The following FTCD variants were observed in gnomAD, a reference collection of about 807,000 sequenced individuals.
FTCD encodes the protein formimidoyltransferase-cyclodeaminase.
Under a neutral mutation model 62.9 loss-of-function variants are expected in FTCD, and 76 were observed. The ratio of observed to expected loss-of-function variants is 1.21; its 90% confidence interval spans 1.00 to 1.46. FTCD has a LOEUF of 1.46. FTCD is among the 40% of genes most tolerant of loss of function. FTCD has a pLI of 0.00. For missense variants in FTCD, 845 were observed against 751.3 expected (o/e 1.12, Z -1.46); for synonymous variants, 397 against 336.9 (o/e 1.18, Z -1.95).
At chr21:46,137,538 G>A (rs1298387571) in intron 12 of FTCD, among the ~76,000 whole-genome samples, 6 of 152,186 alleles carry the variant, frequency 3.9e-5, no homozygotes, top group African/African-American at 1.4e-4. Flanking sequence ...TCCAAGCAGG[G>A]CTCAGCCCCA....
At chr21:46,137,491 C>T (rs2078897414) in intron 12 of FTCD, among the ~76,000 whole-genome samples, 157 bp from the exon 13 acceptor site, 1 of 152,200 alleles carries the variant, frequency 6.6e-6, no homozygotes, top group Non-Finnish European at 1.5e-5. Flanking sequence ...GAGGGCTAAG[C>T]CCCACCACTG....
intron 5 of FTCD, among the ~76,000 whole-genome samples, chr21:46,150,746 C>G (rs925599574): frequency 6.6e-6 from 1 of 151,240 alleles, no homozygotes; most frequent in Non-Finnish European, 1.5e-5. Flanking sequence ...ACACCGGAGG[C>G]CCACCCCGGC....
At chr21:46,138,969 G>T in intron 10 of FTCD, 46 bp from the exon 11 acceptor site, 1 of 1,466,902 alleles carries the variant, frequency 6.8e-7, no homozygotes, top group Non-Finnish European at 9.6e-7. Flanking sequence ...CGTAGGGGGA[G>T]CAGCCATGCC....
At chr21:46,138,677 A>AGCGGCACACACAGGCAGGCAGTG in intron 11 of FTCD, 31 bp from the exon 12 acceptor site, 1 of 1,591,336 alleles carries the variant, frequency 6.3e-7, no homozygotes, top group Non-Finnish European at 8.5e-7. Context: ...GCCTGAGCAC[A>AGCGGCACACACAGGCAGGCAGTG]GCGGCACACA....
At chr21:46,147,426 G>A (rs765563706) in intron 7 of FTCD, among the ~76,000 whole-genome samples, 3 of 152,210 alleles carry the variant, frequency 2.0e-5, no homozygotes, top group Non-Finnish European at 4.4e-5. Context: ...GGTCCTGTGA[G>A]GCAGTGTCCA....
At chr21:46,141,142 A>C (rs1288761524) in intron 10 of FTCD, among the ~76,000 whole-genome samples, 1 of 152,098 alleles carries the variant, frequency 6.6e-6, no homozygotes, top group Non-Finnish European at 1.5e-5. Flanking sequence ...TTTTATATAC[A>C]TATGTTTACA....
chr21:46,152,458 C>T (rs755672268), intron 3 of FTCD: 14 of 199,134 alleles, frequency 7.0e-5, no homozygotes, highest in Non-Finnish European at 8.2e-5. Context: ...GTGACCGTGA[C>T]GGGGGTTACG....
chr21:46,146,426 GC>G, intron 7 of FTCD, 99 bp from the exon 8 acceptor site: 1 of 822,952 alleles, frequency 1.2e-6, no homozygotes, highest in South Asian at 1.4e-5. Flanking sequence ...GCCGCCCCCT[GC>G]CCCGAGCACA....
At position 46,145,803 on chromosome 21, in the gene FTCD, T is replaced by G; in HGVS notation, c.1098+15A>C. On this transcript the variant is annotated intron_variant, in intron 9 of 13. Transcript: ENST00000397746. ...CCAACAACTGCGCCTCCCCTGCCCC[T>G]CCCCCCGCGCTCACCATGGCCGCAG... is the stretch of plus-strand genomic sequence containing the variant. 4.2e-6 allele frequency: 1 copy of G among 238,166 alleles called. No individual in the cohort carries two copies. Among genetic ancestry groups the G allele is most frequent in the Non-Finnish European group, 6.2e-6 (1 of 161,368 alleles). 14.8% of individuals were successfully genotyped at this position (238,166 alleles called of 1,614,324 possible).
rs1050694943 is a variant in FTCD, at chr21:46,145,494, T to A, written c.1183A>T (p.Ile395Phe). The change falls in exon 10 of 14, where the codon ATC (isoleucine) becomes TTC (phenylalanine). Residue 395 changes from isoleucine to phenylalanine, a missense_variant. Coordinates refer to ENST00000397746, the MANE Select transcript of FTCD (RefSeq NM_206965.2). ...QSLDTTMRRL[I>F]PPFREASAKL... ...GCCGAAGCCTCGCGGAAGGGCGGGATCAGGCGCCGCATCGTCGTGTCCAGG... is the reference window on the plus strand; with the variant it reads ...GCCGAAGCCTCGCGGAAGGGCGGGAACAGGCGCCGCATCGTCGTGTCCAGG... 6 of 1,554,940 alleles carry A rather than the reference T, an allele frequency of 3.9e-6. No homozygotes were observed. Among genetic ancestry groups the A allele is most frequent in the Non-Finnish European group, 5.2e-6 (6 of 1,149,976 alleles).
At chr21:46,141,671 A>G (rs991512722) in intron 10 of FTCD, among the ~76,000 whole-genome samples, 1 of 152,126 alleles carries the variant, frequency 6.6e-6, no homozygotes, top group African/African-American at 2.4e-5. Context: ...AAGACGAACA[A>G]CAAACGGGGA....
chr21:46,140,868 CTGCCTTCACATTGCTCACAGGGAG>C (rs2078987730), intron 10 of FTCD, among the ~76,000 whole-genome samples: 2 of 149,018 alleles, frequency 1.3e-5, no homozygotes, highest in African/African-American at 5.1e-5. Flanking sequence ...CACTCCCCGT[CTGCCTTCACATTGCTCACAGGGAG>C]CGTAAACCAA....
At chr21:46,145,990 G>C (rs887568018) in intron 8 of FTCD, 43 bp from the exon 9 acceptor site, 406 of 1,245,496 alleles carry the variant, frequency 3.3e-4, no homozygotes, top group African/African-American at 9.2e-4. Context: ...CGGGGTTGGT[G>C]GGGGGAGCGC....
chr21:46,145,036 T>A (rs1256474259), intron 10 of FTCD, among the ~76,000 whole-genome samples: 2 of 152,068 alleles, frequency 1.3e-5, no homozygotes, highest in Non-Finnish European at 2.9e-5. Flanking sequence ...ACTGTGTTCC[T>A]GAGATTCTTG....
Position 46,145,876 on chromosome 21 carries a change from A to T in FTCD, c.1040T>A (p.Val347Glu). 7.6e-7 allele frequency: 1 copy of T among 1,307,614 alleles called. No individual in the cohort carries two copies. Among genetic ancestry groups the T allele is most frequent in the Non-Finnish European group, 9.7e-7 (1 of 1,027,676 alleles). The allele number at this position is 1,307,614 out of a possible 1,614,324, so 81.0% of individuals were successfully genotyped here. Residue 347 changes from valine (V) to glutamate (E), a missense_variant, in exon 9 of 14, where the codon GTG becomes GAG. Physicochemically the swap from Val to Glu is moderately radical, Grantham distance 121 (BLOSUM62 -2). Transcript: ENST00000397746. ...SKSLRAFVGEVGARSAAPGGG... is the reference protein window; with the variant it reads ...SKSLRAFVGEEGARSAAPGGG... ...CCCGGGGGCCGCAGAGCGGGCACCC[A>T]CCTCCCCCACGAAGGCGCGCAGGGA...
At chr21:46,150,052 C>T in intron 7 of FTCD, 67 bp downstream of exon 7, 1 of 1,462,632 alleles carries the variant, frequency 6.8e-7, no homozygotes, top group South Asian at 1.2e-5. Flanking sequence ...GGGCTGTGAG[C>T]TCCGCCACCG....
At chr21:46,146,091 G>T (rs2079141164) in intron 8 of FTCD, 144 bp from the exon 9 acceptor site, 3 of 714,232 alleles carry the variant, frequency 4.2e-6, no homozygotes, top group Non-Finnish European at 7.0e-6. Flanking sequence ...CCCGGCCGGG[G>T]TCTCTGTGCC....
chr21:46,155,332 G>C (rs1219274654), intron 1 of FTCD, 138 bp downstream of exon 1: 33 of 742,962 alleles, frequency 4.4e-5, no homozygotes, highest in Non-Finnish European at 6.9e-5. Flanking sequence ...ATGTCCTTGG[G>C]GCCCACGGGC....
chr21:46,146,399 G>A, intron 7 of FTCD, 72 bp from the exon 8 acceptor site: 1 of 1,069,076 alleles, frequency 9.4e-7, no homozygotes. Context: ...GAACCCGCGG[G>A]TCCCACCCTT....
Sources: allele counts gnomAD v4.1 joint callset (sites outside exome capture counted in the v4.1 genomes callset), GRCh38; gene constraint gnomAD v4.1.1; transcripts MANE v1.5; gene names NCBI Gene and HGNC (gene_info 2026-07-23, HGNC 2026-07-21).